Variants in GRIK2 observed in about 807,000 individuals in gnomAD.
GRIK2 encodes glutamate receptor ionotropic, kainate 2.
GRIK2 carries 32 observed loss-of-function variants against 100.3 expected under a neutral mutation model. That is an observed-to-expected ratio of 0.32 (90% CI 0.24 to 0.43). The LOEUF (loss-of-function observed/expected upper bound fraction) is 0.43, where lower values mean the gene tolerates loss of function less well. GRIK2 is among the 20% of genes least tolerant of loss of function. GRIK2 has a pLI of 1.00. For synonymous variants in GRIK2, 417 were observed against 389.4 expected (o/e 1.07, Z -0.83); for missense variants, 843 against 1,114.9 (o/e 0.76, Z 3.47).
intron 14 of GRIK2, among the ~76,000 whole-genome samples, chr6:101,978,134 G>A (rs901312228): frequency 6.6e-6 from 1 of 151,840 alleles, no homozygotes; most frequent in Non-Finnish European, 1.5e-5. Flanking sequence ...TAGCTTCCAG[G>A]TGGCTTCTGA....
intron 2 of GRIK2, among the ~76,000 whole-genome samples, chr6:101,409,230 T>C (rs574966044): frequency 6.6e-6 from 1 of 151,940 alleles, no homozygotes; most frequent in African/African-American, 2.4e-5. Flanking sequence ...ATATTTACCA[T>C]TGTGTTCTGA....
chr6:101,929,473 A>AT (rs68002758), intron 14 of GRIK2, among the ~76,000 whole-genome samples: 12,689 of 151,474 alleles, frequency 0.084, 639 homozygotes, highest in Middle Eastern at 0.19. Context: ...TGGAAATAGT[A>AT]TTTTTTTTTA....
chr6:101,617,882 A>T (rs1453621400), intron 2 of GRIK2, among the ~76,000 whole-genome samples: 1 of 151,658 alleles, frequency 6.6e-6, no homozygotes, highest in Non-Finnish European at 1.5e-5. Flanking sequence ...GTGTGTATAT[A>T]TGTGTGAATC....
chr6:101,519,314 T>C (rs1309913417), intron 2 of GRIK2, among the ~76,000 whole-genome samples: 1 of 128,486 alleles, frequency 7.8e-6, no homozygotes, highest in Non-Finnish European at 1.5e-5. Flanking sequence ...TGTGTGTGTG[T>C]GTGTGTGTGT....
chr6:101,797,685 A>ATT (rs377326754), intron 7 of GRIK2, among the ~76,000 whole-genome samples: 13 of 116,692 alleles, frequency 1.1e-4, no homozygotes, highest in African/African-American at 3.1e-4. Flanking sequence ...ACCATTATAT[A>ATT]TTTTTTTTAT....
At chr6:101,750,320 G>T (rs1024955133) in intron 7 of GRIK2, among the ~76,000 whole-genome samples, 3 of 152,186 alleles carry the variant, frequency 2.0e-5, no homozygotes, top group Non-Finnish European at 2.9e-5. Context: ...TCCCTTCTCT[G>T]TAATCACAAT....
chr6:101,790,419 G>T (rs925935092), intron 7 of GRIK2, among the ~76,000 whole-genome samples: 55 of 152,120 alleles, frequency 3.6e-4, no homozygotes, highest in Non-Finnish European at 6.2e-4. Flanking sequence ...AGCATGAAGG[G>T]TTGTTGAATT....
At chr6:101,595,714 G>GTATATATATATA (rs1213458153) in intron 2 of GRIK2, among the ~76,000 whole-genome samples, 196 of 129,580 alleles carry the variant, frequency 1.5e-3, no homozygotes, top group African/African-American at 4.5e-3. Context: ...GTGTGTGTGT[G>GTATATATATATA]TGTGTATATA....
intron 2 of GRIK2, among the ~76,000 whole-genome samples, chr6:101,580,651 C>A (rs781403826): frequency 1.3e-5 from 2 of 152,034 alleles, no homozygotes; most frequent in African/African-American, 4.8e-5. Flanking sequence ...CCTCTAAGGC[C>A]CTAACTAACC....
intron 7 of GRIK2, among the ~76,000 whole-genome samples, chr6:101,765,921 T>C (rs1314214262): frequency 6.6e-6 from 1 of 152,184 alleles, no homozygotes; most frequent in African/African-American, 2.4e-5. Context: ...GAGTCATTTA[T>C]TTTTGTGGAA....
At chr6:101,725,773 C>G (rs936578066) in intron 7 of GRIK2, among the ~76,000 whole-genome samples, 1 of 151,948 alleles carries the variant, frequency 6.6e-6, no homozygotes, top group African/African-American at 2.4e-5. Flanking sequence ...TCATTTTGTA[C>G]TGGTCACTGA....
intron 7 of GRIK2, among the ~76,000 whole-genome samples, chr6:101,763,460 G>T (rs1268581380): frequency 6.6e-6 from 1 of 152,174 alleles, no homozygotes; most frequent in African/African-American, 2.4e-5. Context: ...TCTCCCAGAA[G>T]ACACACATTT....
At chr6:102,054,579 A>T (rs565502428) in intron 15 of GRIK2, among the ~76,000 whole-genome samples, 1 of 152,284 alleles carries the variant, frequency 6.6e-6, no homozygotes, top group Admixed American at 6.5e-5. Context: ...TCTAATGCAG[A>T]TGAGTATGTA....
chr6:101,937,899 G>A (rs1393465037), intron 14 of GRIK2, among the ~76,000 whole-genome samples: 1 of 151,994 alleles, frequency 6.6e-6, no homozygotes, highest in African/African-American at 2.4e-5. Context: ...AATATCCTTG[G>A]CAGTTTAATG....
At chr6:101,630,737 A>G (rs1237436285) in intron 4 of GRIK2, among the ~76,000 whole-genome samples, 1 of 152,098 alleles carries the variant, frequency 6.6e-6, no homozygotes, top group African/African-American at 2.4e-5. Flanking sequence ...GTGATAGGAA[A>G]TTTACTGTGA....
chr6:101,503,014 G>T (rs1368287652), intron 2 of GRIK2, among the ~76,000 whole-genome samples: 1 of 152,068 alleles, frequency 6.6e-6, no homozygotes, highest in Non-Finnish European at 1.5e-5. Flanking sequence ...GATGGAGGTG[G>T]GGGTTATGTG....
intron 4 of GRIK2, among the ~76,000 whole-genome samples, chr6:101,649,691 C>T (rs1196919931): frequency 6.6e-6 from 1 of 152,032 alleles, no homozygotes; most frequent in East Asian, 1.9e-4. Flanking sequence ...TTATAGCAAA[C>T]AGGTAAATGA....
At chr6:101,610,136 T>TAA (rs1157347478) in intron 2 of GRIK2, among the ~76,000 whole-genome samples, 1 of 151,486 alleles carries the variant, frequency 6.6e-6, no homozygotes, top group Non-Finnish European at 1.5e-5. Context: ...CATTTATATA[T>TAA]AATAGTAAAT....
chr6:101,397,707 T>G (rs1562108380), intron 1 of GRIK2, among the ~76,000 whole-genome samples: 1 of 152,158 alleles, frequency 6.6e-6, no homozygotes, highest in African/African-American at 2.4e-5. Flanking sequence ...AGTCGAATAT[T>G]CATATCACTC....
Sources: allele counts gnomAD v4.1 joint callset (sites outside exome capture counted in the v4.1 genomes callset), GRCh38; gene constraint gnomAD v4.1.1; transcripts MANE v1.5; gene names NCBI Gene and HGNC (gene_info 2026-07-23, HGNC 2026-07-21).